NLN: variants seen among roughly 807,000 people sequenced by gnomAD.
NLN encodes the protein neurolysin.
Under a neutral mutation model 79.9 loss-of-function variants are expected in NLN, and 64 were observed. The ratio of observed to expected loss-of-function variants is 0.80; its 90% CI spans 0.65 to 0.99. The LOEUF is 0.99. Ranked by LOEUF, NLN falls within the 50% of genes least tolerant of loss-of-function variation. The pLI is 0.00. For synonymous variants in NLN, 267 were observed against 296.6 expected (o/e 0.90, Z 1.02); for missense variants, 835 against 858.7 (o/e 0.97, Z 0.34).
In NLN at chr5:65,788,334, G is replaced by C. The variant is rs1430588878; in HGVS notation, c.1175G>C (p.Gly392Ala). 9 of 1,614,014 alleles carry C rather than the reference G, an allele frequency of 5.6e-6. No homozygotes were observed. Among genetic ancestry groups the C allele is most frequent in the Non-Finnish European group, 4.2e-6 (5 of 1,180,016 alleles). Reference protein sequence around the residue: ...EYFPIEVVTEGLLNTYQELLG... With the variant: ...EYFPIEVVTEALLNTYQELLG... ...TTCCCAATTGAGGTGGTCACTGAAG[G>C]CTTGCTGAACACCTACCAGGAGTTG... is the stretch of plus-strand genomic sequence containing the variant. Residue 392 changes from glycine (G) to alanine (A), a missense_variant, in exon 8 of 13, where the codon GGC (glycine) becomes GCC (alanine). Gly to Ala is a moderately conservative substitution (Grantham distance 60). Coordinates refer to ENST00000380985, the MANE Select transcript of NLN (RefSeq NM_020726.5).
intron 7 of NLN, 31 bp downstream of exon 7, chr5:65,785,941 T>A: frequency 6.2e-7 from 1 of 1,604,230 alleles, no homozygotes; most frequent in Non-Finnish European, 8.5e-7. Context: ...CTATGACTGT[T>A]TTGCTATACC....
chr5:65,790,845 T>G (rs1033454261), intron 8 of NLN, among the ~76,000 whole-genome samples: 1 of 152,234 alleles, frequency 6.6e-6, no homozygotes. Context: ...TATTGGAGTC[T>G]CCTATAACTG....
At chr5:65,755,447 T>C (rs1759197755) in intron 1 of NLN, among the ~76,000 whole-genome samples, 1 of 152,214 alleles carries the variant, frequency 6.6e-6, no homozygotes, top group South Asian at 2.1e-4. Context: ...GTAGTATGAA[T>C]TCAGAAGCCT....
At chr5:65,724,596 T>C (rs757159477) in intron 1 of NLN, among the ~76,000 whole-genome samples, 38 of 152,142 alleles carry the variant, frequency 2.5e-4, no homozygotes, top group Non-Finnish European at 4.4e-4. Flanking sequence ...TTTGGGATAC[T>C]GTATGTACCT....
At chr5:65,746,592 A>G (rs1339217122) in intron 1 of NLN, among the ~76,000 whole-genome samples, 3 of 152,168 alleles carry the variant, frequency 2.0e-5, no homozygotes, top group African/African-American at 7.2e-5. Context: ...AAAGGAAGAA[A>G]TAGTGGTGTC....
intron 9 of NLN, among the ~76,000 whole-genome samples, chr5:65,801,674 C>G (rs1760288309): frequency 6.6e-6 from 1 of 152,154 alleles, no homozygotes; most frequent in African/African-American, 2.4e-5. Context: ...CATTGTTGAT[C>G]TTTCATTCAT....
chr5:65,789,704 C>T (rs189409563), intron 8 of NLN, among the ~76,000 whole-genome samples: 8 of 152,270 alleles, frequency 5.3e-5, no homozygotes, highest in African/African-American at 1.4e-4. Context: ...ACTGAGATCA[C>T]GCCACTATAC....
chr5:65,808,936 T>G (rs1760481256), intron 9 of NLN, among the ~76,000 whole-genome samples: 1 of 152,230 alleles, frequency 6.6e-6, no homozygotes, highest in South Asian at 2.1e-4. Context: ...ATGCAAAGCA[T>G]CGCACACTCA....
At chr5:65,763,768 T>G (rs1759393499) in intron 3 of NLN, among the ~76,000 whole-genome samples, 1 of 152,016 alleles carries the variant, frequency 6.6e-6, no homozygotes, top group African/African-American at 2.4e-5. Context: ...TAGCAGACCG[T>G]GACAAGAGTT....
chr5:65,765,778 A>G (rs1216342928), intron 3 of NLN, among the ~76,000 whole-genome samples: 2 of 152,036 alleles, frequency 1.3e-5, no homozygotes, highest in Non-Finnish European at 2.9e-5. Flanking sequence ...TTAAATTTAT[A>G]TGATGTCAGC....
chr5:65,808,644 T>A (rs35264075), intron 9 of NLN, among the ~76,000 whole-genome samples: 1 of 152,228 alleles, frequency 6.6e-6, no homozygotes, highest in Non-Finnish European at 1.5e-5. Context: ...TAAACTTGGT[T>A]TCATTAAACT....
chr5:65,722,307 G>A lies in NLN; in HGVS notation c.-67G>A, dbSNP rs1758323269. Reference sequence around the variant, plus strand: ...CGAGACTCCCGGGCGCCCAGGCGCTGCCGCCCGCCTCGCCGCCCCACGCCG... The same window carrying A: ...CGAGACTCCCGGGCGCCCAGGCGCTACCGCCCGCCTCGCCGCCCCACGCCG... On this transcript the variant is annotated 5_prime_UTR_variant, in exon 1 of 13. Coordinates refer to ENST00000380985, the MANE Select transcript of NLN (RefSeq NM_020726.5). The A allele has an allele frequency of 2.9e-6, 4 of 1,375,412 alleles. No individual in the cohort carries two copies. Among genetic ancestry groups the A allele is most frequent in the Admixed American group, 4.9e-5 (2 of 41,010 alleles). 85.2% of individuals were successfully genotyped at this position (1,375,412 alleles called of 1,614,324 possible).
rs554495125 is a variant in NLN, at chr5:65,724,253, T to C, written c.41+1839T>C. On this transcript the variant is annotated intron_variant, in intron 1 of 12. Transcript: ENST00000380985. ...AACCCTGTACCTATTACACAATAAC[T>C]GCCCATTACTTCCTCCCCCAATCCC... 1.8e-4 allele frequency among the ~76,000 whole-genome samples: 27 copies of C among 152,268 alleles called. No homozygotes were observed. The South Asian group carries it at 2.5e-3, about 14-fold the overall frequency.
In NLN at chr5:65,785,673, A is replaced by T. The variant is rs914702405; in HGVS notation, c.823-102A>T. The T allele has an allele frequency of 7.7e-5, 69 of 891,090 alleles. No individual in the cohort carries two copies. In the South Asian group the frequency reaches 1.3e-3, roughly 17 times the overall value. 55.2% of individuals were successfully genotyped at this position (891,090 alleles called of 1,614,324 possible). A position where few individuals can be genotyped will look rare whatever the true frequency, so the allele number is the denominator to read the frequency against. On this transcript the variant is annotated intron_variant, in intron 6 of 12. Coordinates refer to ENST00000380985, the MANE Select transcript of NLN (RefSeq NM_020726.5). The stretch of plus-strand genomic sequence containing the variant: ...AATTTAAATGGTCTAAAAATATTTG[A>T]TAATTTTACAAACCTAAAAATACAT...
At chr5:65,765,390 C>T (rs1211766981) in intron 3 of NLN, among the ~76,000 whole-genome samples, 2 of 152,032 alleles carry the variant, frequency 1.3e-5, no homozygotes, top group Non-Finnish European at 2.9e-5. Flanking sequence ...TGGTGGCAGG[C>T]GCCTGTAATC....
chr5:65,730,534 T>C (rs995515988), intron 1 of NLN, among the ~76,000 whole-genome samples: 1 of 151,676 alleles, frequency 6.6e-6, no homozygotes, highest in Non-Finnish European at 1.5e-5. Flanking sequence ...CTTTTTTTTC[T>C]ATTTTCTTCT....
At chr5:65,723,328 G>C (rs950492766) in intron 1 of NLN, among the ~76,000 whole-genome samples, 8 of 152,182 alleles carry the variant, frequency 5.3e-5, no homozygotes, top group Non-Finnish European at 1.2e-4. Flanking sequence ...TGCTCAGTCC[G>C]TAGAGTTAGG....
intron 7 of NLN, chr5:65,786,176 CAG>C (rs1759916819): frequency 3.7e-6 from 1 of 270,802 alleles, no homozygotes. Context: ...TAGGTTCTAA[CAG>C]AGAGTTACTA....
rs533673894 is a variant in NLN, at chr5:65,814,310, C to T, written c.1980+1919C>T. ...TGCTTGTTATTCCTCTGTCTGTTCA[C>T]AGCCCTCAGCTGGGCAATCAAACCC... On this transcript the variant is annotated intron_variant, in intron 12 of 12. Transcript: ENST00000380985. Among the ~76,000 whole-genome samples the T allele has an allele frequency of 3.3e-5, 5 of 152,216 alleles. No individual in the cohort carries two copies. The South Asian group carries it at 8.3e-4, about 25-fold the overall frequency.
Sources: gnomAD v4.1 joint callset for allele counts (sites outside exome capture counted in the v4.1 genomes callset) on GRCh38, gnomAD v4.1.1 for gene constraint, MANE v1.5 for transcripts, NCBI Gene and HGNC (gene_info 2026-07-23, HGNC 2026-07-21) for gene names.